The following DAW1 variants were observed in gnomAD, a reference collection of about 807,000 sequenced individuals.
DAW1 encodes the protein dynein assembly factor with WD repeats 1.
A neutral mutation model predicts 56.5 loss-of-function variants in DAW1; 47 were observed. The observed-to-expected ratio is 0.83, with a 90% CI of 0.66 to 1.06. DAW1 has a LOEUF of 1.06. Among genes scored for constraint, DAW1 ranks in the 50% least tolerant of loss-of-function variants. The pLI is 0.00. For synonymous variants in DAW1, 190 were observed against 179.0 expected, an observed-to-expected ratio of 1.06 and a Z score of -0.49; for missense variants, 505 against 499.3, an observed-to-expected ratio of 1.01 and a Z score of -0.11.
At chr2:227,920,302 G>A (rs1692073841) in intron 11 of DAW1, among the ~76,000 whole-genome samples, 1 of 151,936 alleles carries the variant, frequency 6.6e-6, no homozygotes, top group Admixed American at 6.6e-5. Flanking sequence ...AACACTTTTA[G>A]AGAGTGTCCA....
At position 227,908,356 on chromosome 2, in the gene DAW1, A is replaced by T. The variant is rs749846822; in HGVS notation, c.973+1104A>T. 7.2e-5 allele frequency among the ~76,000 whole-genome samples: 11 copies of T among 152,186 alleles called. 1 individual carries two copies. Among genetic ancestry groups the T allele is most frequent in the Middle Eastern group, 6.3e-3 (2 of 316 alleles). On this transcript the variant is annotated intron_variant, in intron 10 of 12. Transcript: ENST00000309931. ...ATCATCTTGCTGACAAATATGTATG[A>T]TACTAACACTCTGTCCACGTCATCT...
chr2:227,916,615 C>T (rs1691957712), intron 10 of DAW1, among the ~76,000 whole-genome samples: 1 of 152,048 alleles, frequency 6.6e-6, no homozygotes, highest in Non-Finnish European at 1.5e-5. Flanking sequence ...CATATGATAA[C>T]CATGGATATA....
intron 8 of DAW1, 140 bp from the exon 9 acceptor site, chr2:227,906,096 G>A: frequency 1.8e-6 from 1 of 565,364 alleles, no homozygotes; most frequent in Non-Finnish European, 3.0e-6. Flanking sequence ...CAATAGTAGA[G>A]CCATATTTGT....
In DAW1 at chr2:227,903,108, G is replaced by T; in HGVS notation, c.647G>T (p.Arg216Ile). 6.2e-7 allele frequency: 1 copy of T among 1,613,058 alleles called. No homozygotes were observed. The highest frequency in any genetic ancestry group is 1.3e-5 in the African/African-American group (1 of 75,002). ...IQNGEEVYTL[R>I]GHSAEIISLS... ...AATGGCGAGGAAGTTTACACCTTAA[G>T]AGTATGTCAATAATGTTAATAAGCC... The change falls in exon 7 of 13, where the codon AGA becomes ATA. Residue 216 changes from arginine (R) to isoleucine (I), a missense_variant and splice_region_variant. Physicochemically the swap from Arg to Ile is moderately conservative, Grantham distance 97. Transcript: ENST00000309931.
Position 227,893,821 on chromosome 2 carries a change from C to T in DAW1, c.344C>T (p.Thr115Met), listed in dbSNP as rs138949112. 728 of 1,613,486 alleles carry T rather than the reference C, an allele frequency of 4.5e-4. 6 individuals are homozygous for T. The East Asian group carries it at 6.3e-3, about 14-fold the overall frequency. The change falls in exon 5 of 13, where the codon ACG becomes ATG. Residue 115 changes from threonine (T) to methionine (M), a missense_variant. Transcript: ENST00000309931. ...TTTATCACAGGAAGCTATGATCGGACGTGCAAGCTCTGGGACACTGCGTCT... is the reference window on the plus strand; with the variant it reads ...TTTATCACAGGAAGCTATGATCGGATGTGCAAGCTCTGGGACACTGCGTCT... ...SCFITGSYDR[T>M]CKLWDTASGE...
intron 2 of DAW1, among the ~76,000 whole-genome samples, chr2:227,889,178 T>A (rs1330054138): frequency 6.6e-6 from 1 of 152,226 alleles, no homozygotes; most frequent in Admixed American, 6.5e-5. Flanking sequence ...AGAGCTCATG[T>A]TCAGAACTAG....
At chr2:227,879,813 A>G (rs939063898) in intron 1 of DAW1, among the ~76,000 whole-genome samples, 2 of 152,266 alleles carry the variant, frequency 1.3e-5, no homozygotes, top group Non-Finnish European at 1.5e-5. Flanking sequence ...ATAGTATTAC[A>G]TCATTTATTG....
intron 1 of DAW1, among the ~76,000 whole-genome samples, chr2:227,884,079 A>T (rs1039751037): frequency 1.3e-5 from 2 of 152,168 alleles, no homozygotes; most frequent in African/African-American, 4.8e-5. Context: ...TTCGGATGGA[A>T]TATATTCTAT....
chr2:227,886,119 G>A lies in DAW1; in HGVS notation c.113+696G>A, dbSNP rs1481923080. ...CCAGTGACCTTTACATTTTTGAGAAGTACTTGTTACTGAGTTTTAAGAATA... is the reference window on the plus strand; with the variant it reads ...CCAGTGACCTTTACATTTTTGAGAAATACTTGTTACTGAGTTTTAAGAATA... On this transcript the variant is annotated intron_variant, in intron 2 of 12. Coordinates refer to ENST00000309931, the MANE Select transcript of DAW1 (RefSeq NM_178821.3). 2.0e-5 allele frequency among the ~76,000 whole-genome samples: 3 copies of A among 151,762 alleles called. No individual in the cohort carries two copies. In the East Asian group the frequency reaches 5.8e-4, roughly 29 times the overall value.
At chr2:227,906,375 T>A (rs1361925520) in intron 9 of DAW1, 37 bp downstream of exon 9, 1 of 1,437,620 alleles carries the variant, frequency 7.0e-7, no homozygotes, top group Admixed American at 1.8e-5. Context: ...CTTTATATTG[T>A]GTCTATACTC....
At chr2:227,899,792 C>G (rs62192085) in intron 6 of DAW1, among the ~76,000 whole-genome samples, 4 of 152,006 alleles carry the variant, frequency 2.6e-5, no homozygotes, top group Non-Finnish European at 5.9e-5. Flanking sequence ...AGCACCCACA[C>G]CCACCCCTGG....
intron 6 of DAW1, among the ~76,000 whole-genome samples, chr2:227,899,428 A>G (rs186446154): frequency 2.4e-4 from 36 of 152,356 alleles, no homozygotes; most frequent in African/African-American, 8.7e-4. Flanking sequence ...CAGTAGTAGT[A>G]TAAAAATAAT....
intron 8 of DAW1, among the ~76,000 whole-genome samples, 185 bp from the exon 9 acceptor site, chr2:227,906,051 G>A (rs1008167430): frequency 6.6e-6 from 1 of 152,118 alleles, no homozygotes; most frequent in African/African-American, 2.4e-5. Flanking sequence ...CACCGTGCCC[G>A]GCTGAAATGA....
chr2:227,897,531 A>G (rs566494641), intron 5 of DAW1, among the ~76,000 whole-genome samples: 29 of 152,330 alleles, frequency 1.9e-4, no homozygotes, highest in Non-Finnish European at 2.9e-4. Flanking sequence ...AGCCAGGGTT[A>G]AAAGAAAGGT....
At chr2:227,913,315 T>C (rs909965278) in intron 10 of DAW1, among the ~76,000 whole-genome samples, 4 of 152,212 alleles carry the variant, frequency 2.6e-5, no homozygotes, top group African/African-American at 9.6e-5. Context: ...TAACTATAGA[T>C]GATATACTAA....
intron 6 of DAW1, among the ~76,000 whole-genome samples, chr2:227,901,268 G>A (rs947849294): frequency 3.9e-5 from 6 of 152,202 alleles, no homozygotes; most frequent in Admixed American, 3.3e-4. Context: ...GTGTTTGCAT[G>A]ATGGGCAGTG....
chr2:227,887,756 A>G (rs1691165471), intron 2 of DAW1: 1 of 152,254 alleles, frequency 6.6e-6, no homozygotes, highest in Non-Finnish European at 1.5e-5. Context: ...ATAGCCACTC[A>G]TAAACATGAC....
At chr2:227,899,364 A>C (rs2106200998) in intron 6 of DAW1, among the ~76,000 whole-genome samples, 1 of 152,306 alleles carries the variant, frequency 6.6e-6, no homozygotes, top group South Asian at 2.1e-4. Context: ...GTTACTCTTA[A>C]GTGGATAATA....
chr2:227,920,362 AC>A (rs1486626731), intron 11 of DAW1, among the ~76,000 whole-genome samples: 1 of 152,158 alleles, frequency 6.6e-6, no homozygotes, highest in Non-Finnish European at 1.5e-5. Context: ...AAAAACAGAT[AC>A]GGCCCTGCCC....
Sources: allele counts gnomAD v4.1 joint callset (sites outside exome capture counted in the v4.1 genomes callset), GRCh38; gene constraint gnomAD v4.1.1; transcripts MANE v1.5; gene names NCBI Gene and HGNC (gene_info 2026-07-23, HGNC 2026-07-21).